Variants in ARHGAP26 observed in about 807,000 individuals in gnomAD.
ARHGAP26 encodes rho GTPase-activating protein 26.
A neutral mutation model predicts 104.8 loss-of-function variants in ARHGAP26; 38 were observed. The ratio of observed to expected loss-of-function variants is 0.36; its 90% CI spans 0.28 to 0.48. The LOEUF is 0.48. Among genes scored for constraint, ARHGAP26 ranks in the 20% least tolerant of loss-of-function variants. ARHGAP26 has a pLI of 0.99. For missense variants in ARHGAP26, 704 were observed against 947.9 expected (o/e 0.74, Z 3.38); for synonymous variants, 341 against 340.0 (o/e 1.00, Z -0.03).
chr5:142,954,569 C>T (rs571217858), intron 11 of ARHGAP26, among the ~76,000 whole-genome samples: 1 of 152,312 alleles, frequency 6.6e-6, no homozygotes, highest in Admixed American at 6.5e-5. Flanking sequence ...CCTGGCTTCT[C>T]ATCCAGCATC....
At chr5:143,190,034 G>A (rs928089715) in intron 20 of ARHGAP26, among the ~76,000 whole-genome samples, 38 of 92,306 alleles carry the variant, frequency 4.1e-4, no homozygotes, top group African/African-American at 1.4e-3. Context: ...AGGAGGGGGG[G>A]GAAAAAAAAA....
chr5:143,221,965 C>G (rs1290592979), intron 22 of ARHGAP26, among the ~76,000 whole-genome samples: 3 of 141,244 alleles, frequency 2.1e-5, no homozygotes, highest in African/African-American at 7.7e-5. Flanking sequence ...AGGATGGATA[C>G]ATGTATGGAT....
intron 18 of ARHGAP26, among the ~76,000 whole-genome samples, chr5:143,125,677 G>A (rs918013917): frequency 1.3e-5 from 2 of 152,144 alleles, no homozygotes; most frequent in African/African-American, 4.8e-5. Context: ...CATACTGATT[G>A]TTTACTCAAT....
chr5:142,809,701 C>A (rs1416441938), intron 1 of ARHGAP26, among the ~76,000 whole-genome samples: 1 of 152,222 alleles, frequency 6.6e-6, no homozygotes, highest in Non-Finnish European at 1.5e-5. Context: ...CTCCTCTTAA[C>A]TTCTGCCAGT....
At chr5:143,085,156 CT>C (rs1471444508) in intron 17 of ARHGAP26, among the ~76,000 whole-genome samples, 2 of 151,882 alleles carry the variant, frequency 1.3e-5, no homozygotes, top group African/African-American at 4.8e-5. Flanking sequence ...TCTTGATTCG[CT>C]TGTTTTTCTT....
rs578114300 is a variant in ARHGAP26 at position 142,963,117 on chromosome 5, CA to C, written c.1107+30995del. The stretch of plus-strand genomic sequence containing the variant: ...ACCTCCAGCTCCATCCATCTTCCCA[CA>C]AAGGGCATAATCTCATTCTTTTTTA... On this transcript the variant is annotated intron_variant, in intron 11 of 22. Transcript: ENST00000645722. Among the ~76,000 whole-genome samples the C allele has an allele frequency of 1.3e-4, 19 of 149,532 alleles. No homozygotes were observed. The South Asian group carries it at 2.5e-3, about 20-fold the overall frequency.
chr5:142,808,303 C>T (rs991145520), intron 1 of ARHGAP26, among the ~76,000 whole-genome samples: 10 of 137,254 alleles, frequency 7.3e-5, no homozygotes, highest in East Asian at 6.4e-4. Flanking sequence ...AACATTGATC[C>T]GAAAGGTGAT....
intron 11 of ARHGAP26, among the ~76,000 whole-genome samples, chr5:142,987,115 T>G (rs1032934632): frequency 5.9e-5 from 9 of 152,268 alleles, no homozygotes; most frequent in African/African-American, 2.2e-4. Flanking sequence ...TATTGATTCT[T>G]CCTATCCATG....
At chr5:142,919,794 C>T (rs1762961000) in intron 10 of ARHGAP26, among the ~76,000 whole-genome samples, 1 of 152,092 alleles carries the variant, frequency 6.6e-6, no homozygotes, top group Non-Finnish European at 1.5e-5. Context: ...CTCAGGAGTT[C>T]AAGACCAGCC....
intron 1 of ARHGAP26, among the ~76,000 whole-genome samples, chr5:142,836,262 G>A (rs1477186995): frequency 6.6e-6 from 1 of 152,160 alleles, no homozygotes; most frequent in African/African-American, 2.4e-5. Flanking sequence ...TTAATCTGTG[G>A]TTCATTCTTC....
intron 1 of ARHGAP26, among the ~76,000 whole-genome samples, chr5:142,827,273 C>T (rs1767481833): frequency 6.6e-6 from 1 of 152,142 alleles, no homozygotes; most frequent in African/African-American, 2.4e-5. Flanking sequence ...TGGTCATGGT[C>T]TTACTACAAC....
chr5:142,935,903 G>A (rs1241933147), intron 11 of ARHGAP26, among the ~76,000 whole-genome samples: 1 of 152,058 alleles, frequency 6.6e-6, no homozygotes, highest in Admixed American at 6.6e-5. Context: ...TCATAATTAG[G>A]GTAAAAGACT....
At chr5:142,873,102 C>T (rs546761292) in intron 1 of ARHGAP26, among the ~76,000 whole-genome samples, 1 of 152,354 alleles carries the variant, frequency 6.6e-6, no homozygotes, top group South Asian at 2.1e-4. Flanking sequence ...CCCCGACTTC[C>T]TTTGGCAAGT....
At chr5:142,963,172 G>GTATATATATATA (rs58576577) in intron 11 of ARHGAP26, among the ~76,000 whole-genome samples, 96 of 88,976 alleles carry the variant, frequency 1.1e-3, no homozygotes, top group Non-Finnish European at 1.7e-3. Context: ...TGGTATATAT[G>GTATATATATATA]TATATATATA....
intron 10 of ARHGAP26, among the ~76,000 whole-genome samples, chr5:142,926,602 G>A (rs887617952): frequency 6.6e-6 from 1 of 152,074 alleles, no homozygotes; most frequent in Non-Finnish European, 1.5e-5. Flanking sequence ...ACTTTGTTGC[G>A]TTACTCAGGA....
At chr5:142,870,435 G>A (rs984025005) in intron 1 of ARHGAP26, among the ~76,000 whole-genome samples, 2 of 152,122 alleles carry the variant, frequency 1.3e-5, no homozygotes, top group African/African-American at 4.8e-5. Flanking sequence ...ACCTTAATGG[G>A]GTGAAGTGGT....
chr5:143,050,863 C>T (rs1220635965), intron 14 of ARHGAP26, among the ~76,000 whole-genome samples: 1 of 152,122 alleles, frequency 6.6e-6, no homozygotes, highest in African/African-American at 2.4e-5. Context: ...AAAGAAGAAA[C>T]ACAGAGATGG....
At chr5:143,044,156 A>G (rs1000863908) in intron 14 of ARHGAP26, among the ~76,000 whole-genome samples, 6 of 152,220 alleles carry the variant, frequency 3.9e-5, no homozygotes, top group Non-Finnish European at 8.8e-5. Context: ...TTTGCACACA[A>G]AAGTGTCAAG....
chr5:143,138,667 C>G (rs1370323080), intron 19 of ARHGAP26, among the ~76,000 whole-genome samples: 1 of 152,142 alleles, frequency 6.6e-6, no homozygotes, highest in Non-Finnish European at 1.5e-5. Context: ...GTGATTTAGC[C>G]AAACTGAACC....
Sources: gnomAD v4.1 joint callset for allele counts (sites outside exome capture counted in the v4.1 genomes callset) on GRCh38, gnomAD v4.1.1 for gene constraint, MANE v1.5 for transcripts, NCBI Gene and HGNC (gene_info 2026-07-23, HGNC 2026-07-21) for gene names.